The following LPP variants were observed in gnomAD, a reference collection of about 807,000 sequenced individuals.
The protein encoded by LPP is LIM domain containing preferred translocation partner in lipoma, also known as lipoma-preferred partner.
A neutral mutation model predicts 60.4 loss-of-function variants in LPP; 38 were observed. That is an observed-to-expected ratio of 0.63 (90% CI 0.49 to 0.83). The LOEUF is 0.83. Ranked by LOEUF, LPP falls within the 40% of genes least tolerant of loss-of-function variation. The pLI is 0.00. For missense variants in LPP, 902 were observed against 783.6 expected (o/e 1.15, Z -1.80); for synonymous variants, 328 against 290.8 (o/e 1.13, Z -1.30).
At chr3:188,231,877 G>T (rs1241113458) in intron 2 of LPP, among the ~76,000 whole-genome samples, 1 of 152,152 alleles carries the variant, frequency 6.6e-6, no homozygotes, top group Non-Finnish European at 1.5e-5. Flanking sequence ...GCGTCTCCTG[G>T]TGGGCCATGT....
intron 9 of LPP, among the ~76,000 whole-genome samples, chr3:188,820,776 G>A (rs1454939162): frequency 4.6e-5 from 7 of 151,882 alleles, no homozygotes; most frequent in East Asian, 1.9e-4. Flanking sequence ...CGTTAACTCC[G>A]ATAAGTCCAG....
chr3:188,378,494 G>A (rs1357727013), intron 3 of LPP, among the ~76,000 whole-genome samples: 1 of 152,200 alleles, frequency 6.6e-6, no homozygotes, highest in East Asian at 1.9e-4. Context: ...GACTCCATGG[G>A]CTTAGGACCC....
intron 2 of LPP, among the ~76,000 whole-genome samples, chr3:188,257,972 C>G (rs1560167622): frequency 6.6e-6 from 1 of 152,240 alleles, no homozygotes; most frequent in Non-Finnish European, 1.5e-5. Flanking sequence ...CACACTCCTA[C>G]TTTCACCTGT....
chr3:188,305,869 G>C (rs548313697), intron 2 of LPP, among the ~76,000 whole-genome samples: 1 of 152,052 alleles, frequency 6.6e-6, no homozygotes, highest in Non-Finnish European at 1.5e-5. Context: ...GGATTTTCTC[G>C]TTTACCTGTT....
At chr3:188,163,815 G>A (rs547752490) in intron 1 of LPP, among the ~76,000 whole-genome samples, 32 of 151,516 alleles carry the variant, frequency 2.1e-4, no homozygotes, top group South Asian at 8.4e-4. Flanking sequence ...GCCAGGTGTG[G>A]TAGTGGGCGC....
chr3:188,581,254 G>A (rs928712177), intron 6 of LPP, among the ~76,000 whole-genome samples: 16 of 151,984 alleles, frequency 1.1e-4, no homozygotes, highest in African/African-American at 2.2e-4. Context: ...CAGCATTGTC[G>A]TTGGAGATGG....
chr3:188,798,483 A>T (rs1433907309), intron 9 of LPP, among the ~76,000 whole-genome samples: 1 of 152,188 alleles, frequency 6.6e-6, no homozygotes, highest in Non-Finnish European at 1.5e-5. Flanking sequence ...ATTCTTCCCT[A>T]AGCTGCTGTC....
chr3:188,390,092 A>G (rs927923644), intron 3 of LPP, among the ~76,000 whole-genome samples: 3 of 152,142 alleles, frequency 2.0e-5, no homozygotes, highest in Non-Finnish European at 4.4e-5. Flanking sequence ...ATTATTACAG[A>G]GGTAGAAGCG....
chr3:188,387,963 GTCAGCATCTCCCCTATCA>G, intron 3 of LPP, among the ~76,000 whole-genome samples: 1 of 151,626 alleles, frequency 6.6e-6, no homozygotes, highest in Non-Finnish European at 1.5e-5. Context: ...GTGTGAGTGA[GTCAGCATCTCCCCTATCA>G]TGCTAGTATT....
At chr3:188,576,232 T>C (rs1442926581) in intron 6 of LPP, among the ~76,000 whole-genome samples, 3 of 152,182 alleles carry the variant, frequency 2.0e-5, no homozygotes, top group Non-Finnish European at 4.4e-5. Context: ...AATTGGTGCA[T>C]TTCCTTTAAG....
intron 10 of LPP, among the ~76,000 whole-genome samples, chr3:188,866,824 G>A (rs1010446835): frequency 2.0e-5 from 3 of 152,092 alleles, no homozygotes; most frequent in Non-Finnish European, 2.9e-5. Context: ...GCTAATCTGT[G>A]CATCCCTGCC....
rs528841512 is a variant in LPP, at chr3:188,310,268, G to C, written c.-66-31395G>C. 2.0e-5 allele frequency among the ~76,000 whole-genome samples: 3 copies of C among 150,682 alleles called. No individual in the cohort carries two copies. The South Asian group carries it at 6.3e-4, about 32-fold the overall frequency. On this transcript the variant is annotated intron_variant, in intron 2 of 11. Transcript: ENST00000617246. ...GAAGACTGACGAAGTTGGCCTTTTG[G>C]GATATTACAAGAAAGATAACTTTGT...
intron 5 of LPP, among the ~76,000 whole-genome samples, chr3:188,515,280 C>T (rs879369655): frequency 3.9e-5 from 6 of 152,036 alleles, no homozygotes; most frequent in East Asian, 1.9e-4. Context: ...GAGTGTGGTA[C>T]CTCTCCCCAA....
chr3:188,353,797 A>T (rs1238947247), intron 3 of LPP, among the ~76,000 whole-genome samples: 1 of 152,220 alleles, frequency 6.6e-6, no homozygotes, highest in East Asian at 1.9e-4. Context: ...GAAGGAAAAT[A>T]CTGCATTTCT....
At chr3:188,332,138 G>C (rs1192502533) in intron 2 of LPP, among the ~76,000 whole-genome samples, 2 of 151,768 alleles carry the variant, frequency 1.3e-5, no homozygotes, top group Non-Finnish European at 2.9e-5. Flanking sequence ...TTACCATCAT[G>C]TTTAGATTTC....
intron 9 of LPP, among the ~76,000 whole-genome samples, chr3:188,847,719 CA>C (rs1761794362): frequency 6.6e-6 from 1 of 152,078 alleles, no homozygotes; most frequent in Non-Finnish European, 1.5e-5. Context: ...AAAAACAAAT[CA>C]AGAAATTGGG....
chr3:188,260,461 G>T (rs1216458877), intron 2 of LPP, among the ~76,000 whole-genome samples: 1 of 151,944 alleles, frequency 6.6e-6, no homozygotes, highest in African/African-American at 2.4e-5. Flanking sequence ...CTTATGGCAA[G>T]GCCAGTATGA....
chr3:188,854,234 C>A (rs925555294), intron 9 of LPP, among the ~76,000 whole-genome samples: 3 of 152,176 alleles, frequency 2.0e-5, no homozygotes, highest in Admixed American at 2.0e-4. Context: ...GCGTTTCATA[C>A]CTAGTTAATC....
At chr3:188,240,842 A>G (rs573796752) in intron 2 of LPP, among the ~76,000 whole-genome samples, 1 of 152,312 alleles carries the variant, frequency 6.6e-6, no homozygotes, top group Admixed American at 6.5e-5. Flanking sequence ...AGACACTCTT[A>G]GTGAATGAAC....
Sources: allele counts gnomAD v4.1 joint callset (sites outside exome capture counted in the v4.1 genomes callset), GRCh38; gene constraint gnomAD v4.1.1; transcripts MANE v1.5; gene names NCBI Gene and HGNC (gene_info 2026-07-23, HGNC 2026-07-21).